GRID2IP: variants seen among roughly 807,000 people sequenced by gnomAD.
The protein encoded by GRID2IP is Grid2 interacting protein, also known as delphilin.
In GRID2IP, 78 loss-of-function variants were observed where a neutral mutation model predicts 114.3. The observed-to-expected ratio is 0.68, with a 90% CI of 0.57 to 0.82. The LOEUF (loss-of-function observed/expected upper bound fraction) is 0.82. GRID2IP is among the 40% of genes least tolerant of loss of function. GRID2IP has a pLI of 0.00. For synonymous variants in GRID2IP, 809 were observed against 724.0 expected, an observed-to-expected ratio of 1.12 and a Z score of -1.89; for missense variants, 1,727 against 1,678.5, an observed-to-expected ratio of 1.03 and a Z score of -0.51.
chr7:6,551,037 T>C lies in GRID2IP; in HGVS notation c.400A>G (p.Arg134Gly), dbSNP rs1194907264. 15 of 1,239,684 alleles carry C rather than the reference T, an allele frequency of 1.2e-5. No individual in the cohort carries two copies. In the Admixed American group the frequency reaches 1.8e-4, roughly 15 times the overall value. 76.8% of individuals were successfully genotyped at this position (1,239,684 alleles called of 1,614,324 possible). Residue 134 changes from arginine (R) to glycine (G), a missense_variant, in exon 1 of 22, where the codon AGG becomes GGG. Physicochemically the swap from Arg to Gly is moderately radical, Grantham distance 125 (BLOSUM62 -2). Coordinates refer to ENST00000457091, the MANE Select transcript of GRID2IP (RefSeq NM_001145118.2). ...CGGCTGAACTCTTGGGCCTTGCGCCTGCGCTCTCGGTGCACCGCGTCCGGG... is the reference window on the plus strand; with the variant it reads ...CGGCTGAACTCTTGGGCCTTGCGCCCGCGCTCTCGGTGCACCGCGTCCGGG... ...KRPDAVHRER[R>G]RKAQEFSRKV...
intron 8 of GRID2IP, among the ~76,000 whole-genome samples, chr7:6,513,088 G>A (rs1303619602): frequency 6.6e-6 from 1 of 152,130 alleles, no homozygotes; most frequent in Non-Finnish European, 1.5e-5. Context: ...GAACAGACAG[G>A]TGGCAGCCAC....
At chr7:6,513,974 C>T (rs1270572661) in intron 8 of GRID2IP, among the ~76,000 whole-genome samples, 1 of 131,438 alleles carries the variant, frequency 7.6e-6, no homozygotes, top group African/African-American at 3.0e-5. Flanking sequence ...AAAAAAAAGG[C>T]TGGGCGTGGT....
intron 1 of GRID2IP, among the ~76,000 whole-genome samples, chr7:6,550,195 G>A (rs545975114): frequency 4.1e-4 from 62 of 150,146 alleles, no homozygotes; most frequent in Non-Finnish European, 7.9e-4. Flanking sequence ...GTCTCATTAC[G>A]TTGCCCAGGC....
rs1427836298 is a variant in GRID2IP at position 6,509,242 on chromosome 7, A to G, written c.1843T>C (p.Cys615Arg). The G allele has an allele frequency of 3.9e-6, 6 of 1,520,322 alleles. No individual in the cohort carries two copies. The highest frequency in any genetic ancestry group is 5.3e-6 in the Non-Finnish European group (6 of 1,131,718). The allele number at this position is 1,520,322 out of a possible 1,614,324, so 94.2% of individuals were successfully genotyped here. A position where few individuals can be genotyped will look rare whatever the true frequency, so the allele number is the denominator to read the frequency against. ...LLPSPCYHPL[C>R]SGGLASPSSS... ...CTGGGGGAGGCCAGACCCCCCGAAC[A>G]CAGCGGGTGGTAGCAGGGGGAGGGC... is the stretch of plus-strand genomic sequence containing the variant. Residue 615 changes from cysteine (C) to arginine (R), a missense_variant, in exon 12 of 22, where the codon TGT becomes CGT. Coordinates refer to ENST00000457091, the MANE Select transcript of GRID2IP (RefSeq NM_001145118.2). This position sits in a 1 kb window ranked among gnomAD's most constrained non-coding sequence, Gnocchi z 4.9.
chr7:6,549,595 G>A (rs564093656), intron 1 of GRID2IP, among the ~76,000 whole-genome samples: 13 of 152,232 alleles, frequency 8.5e-5, no homozygotes, highest in East Asian at 3.9e-4. Context: ...TAGAACAGGC[G>A]GAATTCTTTT....
chr7:6,548,122 G>A (rs1402776792), intron 1 of GRID2IP, among the ~76,000 whole-genome samples: 2 of 152,190 alleles, frequency 1.3e-5, no homozygotes, highest in African/African-American at 4.8e-5. Flanking sequence ...GAAGGCCGAG[G>A]TAGGCAGATC....
chr7:6,542,166 G>C (rs928533198), intron 1 of GRID2IP, among the ~76,000 whole-genome samples: 1 of 151,966 alleles, frequency 6.6e-6, no homozygotes, highest in Non-Finnish European at 1.5e-5. Context: ...GCCAGACGTG[G>C]TGGTGGGTGC....
In GRID2IP at chr7:6,521,741, G is replaced by C. The variant is rs961709393; in HGVS notation, c.989+147C>G. Reference sequence around the variant, plus strand: ...TGGCGAGGAGGAGGGTTAGATTCAAGAGTTCCCATTGGAAGAGGGACAGAC... The same window carrying C: ...TGGCGAGGAGGAGGGTTAGATTCAACAGTTCCCATTGGAAGAGGGACAGAC... On this transcript the variant is annotated intron_variant, in intron 5 of 21. Transcript: ENST00000457091. The surrounding 1 kb of genome is among the most constrained non-coding windows in gnomAD (Gnocchi z 4.1). 1.4e-6 allele frequency: 1 copy of C among 693,806 alleles called. No individual in the cohort carries two copies. Among genetic ancestry groups the C allele is most frequent in the Middle Eastern group, 3.8e-4 (1 of 2,620 alleles). 43.0% of individuals were successfully genotyped at this position (693,806 alleles called of 1,614,324 possible). A position where few individuals can be genotyped will look rare whatever the true frequency, so the allele number is the denominator to read the frequency against.
rs572070330 is a variant in GRID2IP at position 6,520,494 on chromosome 7, C to T, written c.1268+84G>A. Reference sequence around the variant, plus strand: ...CCAGGAGAACGGGACTGAGGAGGTTCAGGCAGGGAGACTGGGATGTGAGTC... The same window carrying T: ...CCAGGAGAACGGGACTGAGGAGGTTTAGGCAGGGAGACTGGGATGTGAGTC... On this transcript the variant is annotated intron_variant, in intron 7 of 21. Transcript: ENST00000457091. The surrounding 1 kb of genome is among the most constrained non-coding windows in gnomAD (Gnocchi z 4.6). The T allele has an allele frequency of 1.1e-5, 16 of 1,395,574 alleles. No individual in the cohort carries two copies. The African/African-American group carries it at 2.1e-4, about 19-fold the overall frequency. The allele number at this position is 1,395,574 out of a possible 1,614,324, so 86.4% of individuals were successfully genotyped here.
At chr7:6,517,261 G>A (rs1250531893) in intron 7 of GRID2IP, among the ~76,000 whole-genome samples, 2 of 151,546 alleles carry the variant, frequency 1.3e-5, no homozygotes, top group African/African-American at 2.4e-5. Flanking sequence ...GTTTCACCAT[G>A]TTAGCCAGGA....
rs113634496 is a variant in GRID2IP at position 6,548,036 on chromosome 7, A to G, written c.429+2972T>C. 1.9e-3 allele frequency among the ~76,000 whole-genome samples: 287 copies of G among 152,308 alleles called. 4 individuals are homozygous for G. Among genetic ancestry groups the G allele is most frequent in the African/African-American group, 6.4e-3 (267 of 41,576 alleles). ...TAACACAACAGGGTGACTATAGCCA[A>G]TAATAACTTAATTGTCCATTTTAAA... is the stretch of plus-strand genomic sequence containing the variant. On this transcript the variant is annotated intron_variant, in intron 1 of 21. Transcript: ENST00000457091.
rs1190041781 is a variant in GRID2IP, at chr7:6,519,758, A to AAAAAAC, written c.1268+814_1268+819dup. Among the ~76,000 whole-genome samples, 1 of 152,190 alleles carries AAAAAAC rather than the reference A, an allele frequency of 6.6e-6. No individual in the cohort carries two copies. The highest frequency in any genetic ancestry group is 2.4e-5 in the African/African-American group (1 of 41,456). ...GGCAACGAGAGTGAAACACCATCTC[A>AAAAAAC]AAAAACAAAAACAAAAATAAAAAAC... On this transcript the variant is annotated intron_variant, in intron 7 of 21. Transcript: ENST00000457091. This position sits in a 1 kb window ranked among gnomAD's most constrained non-coding sequence, Gnocchi z 4.1.
chr7:6,506,305 G>A lies in GRID2IP; in HGVS notation c.2545-398C>T, dbSNP rs111321110. Among the ~76,000 whole-genome samples, 20 of 152,182 alleles carry A rather than the reference G, an allele frequency of 1.3e-4. No individual in the cohort carries two copies. The highest frequency in any genetic ancestry group is 2.5e-4 in the Non-Finnish European group (17 of 68,024). On this transcript the variant is annotated intron_variant, in intron 13 of 21. Coordinates refer to ENST00000457091, the MANE Select transcript of GRID2IP (RefSeq NM_001145118.2). The surrounding 1 kb of genome is among the most constrained non-coding windows in gnomAD (Gnocchi z 5.2). Reference sequence around the variant, plus strand: ...ACCAGGGCTGCCCTGGGCAGAGTGAGCTGGTGCTGAGAGAACTGCAACTGT... The same window carrying A: ...ACCAGGGCTGCCCTGGGCAGAGTGAACTGGTGCTGAGAGAACTGCAACTGT...
rs535754566 is a variant in GRID2IP, at chr7:6,520,968, G to T, written c.1085-207C>A. On this transcript the variant is annotated intron_variant, in intron 6 of 21. Transcript: ENST00000457091. The surrounding 1 kb of genome is among the most constrained non-coding windows in gnomAD (Gnocchi z 4.6). The stretch of plus-strand genomic sequence containing the variant: ...AAGGGTCCCTAAGGCTATACACTAG[G>T]GTTTTTTGTTTGTTTGTTTTGAGAC... Among the ~76,000 whole-genome samples, 1 of 152,086 alleles carries T rather than the reference G, an allele frequency of 6.6e-6. No individual in the cohort carries two copies. Among genetic ancestry groups the T allele is most frequent in the Admixed American group, 6.5e-5 (1 of 15,276 alleles).
At position 6,520,778 on chromosome 7, in the gene GRID2IP, C is replaced by T. The variant is rs772137575; in HGVS notation, c.1085-17G>A. 117 of 1,543,898 alleles carry T rather than the reference C, an allele frequency of 7.6e-5. No homozygotes were observed. Among genetic ancestry groups the T allele is most frequent in the South Asian group, 2.2e-4 (18 of 83,720 alleles). ...AATCGGAGTCTGCTGGGACCACAGG[C>T]GGGAGAGGCATGAGTGACTCAGAGT... On this transcript the variant is annotated splice_polypyrimidine_tract_variant and intron_variant, in intron 6 of 21. Transcript: ENST00000457091. The surrounding 1 kb of genome is among the most constrained non-coding windows in gnomAD (Gnocchi z 4.6).
rs1239408077 is a variant in GRID2IP at position 6,508,419 on chromosome 7, G to A, written c.2128-18C>T. On this transcript the variant is annotated intron_variant, in intron 12 of 21. Coordinates refer to ENST00000457091, the MANE Select transcript of GRID2IP (RefSeq NM_001145118.2). This position sits in a 1 kb window ranked among gnomAD's most constrained non-coding sequence, Gnocchi z 5.6. ...AAGCTCATCTGGTGGTGGGGAGAGA[G>A]GCAAGGGGAGGGTGAGGCTGGGCCC... The A allele has an allele frequency of 6.4e-7, 1 of 1,550,878 alleles. No individual in the cohort carries two copies. Among genetic ancestry groups the A allele is most frequent in the African/African-American group, 1.4e-5 (1 of 73,158 alleles).
In GRID2IP at chr7:6,526,556, C is replaced by A; in HGVS notation, c.798G>T (p.Leu266=). 8.2e-7 allele frequency: 1 copy of A among 1,218,090 alleles called. No homozygotes were observed. Among genetic ancestry groups the A allele is most frequent in the Non-Finnish European group, 1.0e-6 (1 of 979,480 alleles). The allele number at this position is 1,218,090 out of a possible 1,614,324, so 75.5% of individuals were successfully genotyped here. A position where few individuals can be genotyped will look rare whatever the true frequency, so the allele number is the denominator to read the frequency against. ...CCCCGGGGCCGGCGAGGCCGCCCAC[C>A]AGCAAGGAGGCCCTGCGCGGGGGCG... ...DEPPPRRASL[L]VGGLAGPGGA... Residue 266 remains leucine (L), a synonymous_variant, in exon 3 of 22, where the codon CTG becomes CTT. Coordinates refer to ENST00000457091, the MANE Select transcript of GRID2IP (RefSeq NM_001145118.2). The surrounding 1 kb of genome is among the most constrained non-coding windows in gnomAD (Gnocchi z 7.6).
rs910164128 is a variant in GRID2IP at position 6,526,809 on chromosome 7, C to T, written c.585-40G>A. On this transcript the variant is annotated intron_variant, in intron 2 of 21. Transcript: ENST00000457091. The surrounding 1 kb of genome is among the most constrained non-coding windows in gnomAD (Gnocchi z 7.6). ...GGCGGAGTCGGGGCGCGTTCCCGGA[C>T]CCCGGATCTCTGCAAACCGCGGCCC... 3.4e-6 allele frequency: 5 copies of T among 1,465,350 alleles called. No homozygotes were observed. The African/African-American group carries it at 7.4e-5, about 22-fold the overall frequency. 90.8% of individuals were successfully genotyped at this position (1,465,350 alleles called of 1,614,324 possible). A position where few individuals can be genotyped will look rare whatever the true frequency, so the allele number is the denominator to read the frequency against.
Position 6,510,885 on chromosome 7 carries a change from C to A in GRID2IP, c.1555+23G>T, listed in dbSNP as rs1209131579. 5 of 1,548,836 alleles carry A rather than the reference C, an allele frequency of 3.2e-6. No homozygotes were observed. In the Admixed American group the frequency reaches 9.8e-5, roughly 30 times the overall value. On this transcript the variant is annotated intron_variant, in intron 9 of 21. Transcript: ENST00000457091. ...TGGGAAAACTGAGCTCCATTCATAC[C>A]CTCCCCCTGACACCAGCCTTACCGC... is the stretch of plus-strand genomic sequence containing the variant.
Sources: allele counts gnomAD v4.1 joint callset (sites outside exome capture counted in the v4.1 genomes callset), GRCh38; gene constraint gnomAD v4.1.1; non-coding constraint Gnocchi (gnomAD v3.1); transcripts MANE v1.5; gene names NCBI Gene and HGNC (gene_info 2026-07-23, HGNC 2026-07-21).